Variants in ARHGAP32 observed in about 807,000 individuals in gnomAD.
ARHGAP32 encodes the protein rho GTPase-activating protein 32.
Under a neutral mutation model 186.5 loss-of-function variants are expected in ARHGAP32, and 51 were observed. That is an observed-to-expected ratio of 0.27 (90% CI 0.22 to 0.35). The LOEUF (loss-of-function observed/expected upper bound fraction) is 0.35. ARHGAP32 is among the 10% of genes least tolerant of loss of function. The pLI is 1.00. For synonymous variants in ARHGAP32, 950 were observed against 964.3 expected (o/e 0.99, Z 0.27); for missense variants, 2,186 against 2,623.5 (o/e 0.83, Z 3.64).
At chr11:129,174,664 AC>A (rs1465220753) in intron 1 of ARHGAP32, among the ~76,000 whole-genome samples, 1 of 151,984 alleles carries the variant, frequency 6.6e-6, no homozygotes, top group Non-Finnish European at 1.5e-5. Flanking sequence ...ACTGGGAGGC[AC>A]CCCCAAGCAG....
At chr11:129,272,077 A>T (rs1945480386) in intron 1 of ARHGAP32, among the ~76,000 whole-genome samples, 1 of 152,204 alleles carries the variant, frequency 6.6e-6, no homozygotes, top group East Asian at 1.9e-4. Flanking sequence ...GTGAAGAAGA[A>T]GGTACAGCAA....
intron 5 of ARHGAP32, among the ~76,000 whole-genome samples, chr11:129,108,431 A>G (rs967449209): frequency 6.6e-6 from 1 of 152,222 alleles, no homozygotes; most frequent in East Asian, 1.9e-4. Context: ...TCAAGAACAT[A>G]TAACAATTAT....
intron 14 of ARHGAP32, among the ~76,000 whole-genome samples, 182 bp from the exon 15 acceptor site, chr11:128,986,267 C>T (rs529827930): frequency 6.6e-6 from 1 of 152,148 alleles, no homozygotes; most frequent in African/African-American, 2.4e-5. Context: ...CTGAGATCTA[C>T]GAAACTAATT....
chr11:129,266,153 G>A (rs1047136211), intron 1 of ARHGAP32, among the ~76,000 whole-genome samples: 1 of 152,100 alleles, frequency 6.6e-6, no homozygotes, highest in Non-Finnish European at 1.5e-5. Flanking sequence ...AACACAATTT[G>A]GGTTAGTAGA....
intron 11 of ARHGAP32, among the ~76,000 whole-genome samples, chr11:129,004,327 G>A (rs1482832736): frequency 1.2e-4 from 18 of 145,476 alleles, no homozygotes; most frequent in African/African-American, 4.6e-4. Context: ...TCCACATGCT[G>A]AGGAGAAGAA....
At chr11:129,046,496 T>C (rs958605387) in intron 10 of ARHGAP32, among the ~76,000 whole-genome samples, 5 of 152,162 alleles carry the variant, frequency 3.3e-5, no homozygotes, top group Non-Finnish European at 7.3e-5. Context: ...TTAGCAAGCA[T>C]ATGGCTCACC....
chr11:129,065,390 C>T (rs1387251945), intron 7 of ARHGAP32, among the ~76,000 whole-genome samples: 2 of 151,958 alleles, frequency 1.3e-5, no homozygotes, highest in Non-Finnish European at 2.9e-5. Flanking sequence ...CAGGAATATG[C>T]CCCAGTATTA....
chr11:129,036,364 G>A (rs1161679415), intron 11 of ARHGAP32, among the ~76,000 whole-genome samples: 1 of 116,790 alleles, frequency 8.6e-6, no homozygotes, highest in Non-Finnish European at 1.6e-5. Flanking sequence ...TGGGCAACAA[G>A]AGCGAAACTC....
chr11:129,139,393 A>G (rs1406262866), intron 2 of ARHGAP32, among the ~76,000 whole-genome samples: 2 of 152,178 alleles, frequency 1.3e-5, no homozygotes, highest in Non-Finnish European at 2.9e-5. Flanking sequence ...TCCCCTGCCC[A>G]ATCGATTTTA....
intron 11 of ARHGAP32, among the ~76,000 whole-genome samples, chr11:129,026,956 G>A (rs192062729): frequency 0.012 from 1,753 of 151,508 alleles, 33 homozygotes; most frequent in African/African-American, 0.04. Flanking sequence ...AAAATTAGCT[G>A]GGCATAGTGG....
At chr11:129,130,001 T>C (rs1393413651) in intron 2 of ARHGAP32, among the ~76,000 whole-genome samples, 1 of 152,250 alleles carries the variant, frequency 6.6e-6, no homozygotes, top group Non-Finnish European at 1.5e-5. Flanking sequence ...CATATTTGTA[T>C]GACATAATAT....
At chr11:129,092,779 T>G (rs1476851326) in intron 6 of ARHGAP32, among the ~76,000 whole-genome samples, 1 of 151,976 alleles carries the variant, frequency 6.6e-6, no homozygotes, top group African/African-American at 2.4e-5. Flanking sequence ...GGTACATGAT[T>G]AATACTTTTT....
intron 1 of ARHGAP32, among the ~76,000 whole-genome samples, chr11:129,259,122 T>C (rs981631852): frequency 5.9e-5 from 9 of 152,216 alleles, no homozygotes; most frequent in Admixed American, 5.2e-4. Flanking sequence ...ATGCACTATG[T>C]AATGGCAAAT....
chr11:129,054,078 CTG>C (rs752891440), intron 10 of ARHGAP32, among the ~76,000 whole-genome samples: 2 of 150,348 alleles, frequency 1.3e-5, no homozygotes, highest in Non-Finnish European at 3.0e-5. Flanking sequence ...AAAAAAAAAA[CTG>C]TGCTGTCCAA....
chr11:129,138,211 CTGTT>C (rs1942974986), intron 2 of ARHGAP32, among the ~76,000 whole-genome samples: 1 of 148,414 alleles, frequency 6.7e-6, no homozygotes, highest in African/African-American at 2.5e-5. Context: ...GGGGAGCAAA[CTGTT>C]TGACAAGAAT....
intron 11 of ARHGAP32, among the ~76,000 whole-genome samples, chr11:129,017,346 C>T (rs1463349615): frequency 6.7e-6 from 1 of 150,092 alleles, no homozygotes; most frequent in African/African-American, 2.5e-5. Context: ...CGCAGCTACT[C>T]AGCAGGCAGG....
At chr11:129,218,058 G>A (rs1403070147) in intron 1 of ARHGAP32, among the ~76,000 whole-genome samples, 2 of 152,148 alleles carry the variant, frequency 1.3e-5, no homozygotes, top group African/African-American at 2.4e-5. Flanking sequence ...TCACTGTGCA[G>A]ACTCAGGTAA....
At position 129,164,529 on chromosome 11, in the gene ARHGAP32, G is replaced by C. The variant is rs530229901; in HGVS notation, c.117-102C>G. The C allele has an allele frequency of 1.5e-4, 106 of 684,570 alleles. No individual in the cohort carries two copies. The African/African-American group carries it at 1.8e-3, about 11-fold the overall frequency. The allele number at this position is 684,570 out of a possible 1,614,324, so 42.4% of individuals were successfully genotyped here. On this transcript the variant is annotated intron_variant, in intron 1 of 22. Coordinates refer to ENST00000682385, the MANE Select transcript of ARHGAP32 (RefSeq NM_001378024.1). ...AGCAGAAAAACTACATGTCAGATTT[G>C]AAGTTTAGCTAAAAGAGCTTAACTG...
chr11:129,237,565 G>A (rs1208946228), intron 1 of ARHGAP32, among the ~76,000 whole-genome samples: 1 of 152,164 alleles, frequency 6.6e-6, no homozygotes, highest in African/African-American at 2.4e-5. Context: ...CTGTGAGGTG[G>A]GGACATGAAC....
Sources: allele counts gnomAD v4.1 joint callset (sites outside exome capture counted in the v4.1 genomes callset), GRCh38; gene constraint gnomAD v4.1.1; transcripts MANE v1.5; gene names NCBI Gene and HGNC (gene_info 2026-07-23, HGNC 2026-07-21).